The following SLC39A11 variants were observed in gnomAD, a reference collection of about 807,000 sequenced individuals.
SLC39A11 encodes zinc transporter ZIP11.
SLC39A11 carries 33 observed loss-of-function variants against 36.1 expected under a neutral mutation model. The observed-to-expected ratio is 0.91, with a 90% confidence interval of 0.69 to 1.22. SLC39A11 has a LOEUF of 1.22. SLC39A11 is among the 50% of genes most tolerant of loss of function. The pLI is 0.00. For synonymous variants in SLC39A11, 166 were observed against 170.3 expected (o/e 0.97, Z 0.20); for missense variants, 432 against 430.3 (o/e 1.00, Z -0.03).
In SLC39A11 at chr17:72,757,092, G is replaced by C. The variant is rs539443330; in HGVS notation, c.602-20373C>G. Among the ~76,000 whole-genome samples the C allele has an allele frequency of 1.7e-4, 26 of 151,894 alleles. No homozygotes were observed. In the East Asian group the frequency reaches 4.8e-3, roughly 28 times the overall value. ...GAGGCAGGAGAATCGCTTGAAACCA[G>C]AAGGCGGAGGTTGCAGTGAGCCGAG... On this transcript the variant is annotated intron_variant, in intron 6 of 9. Coordinates refer to ENST00000255559, the MANE Select transcript of SLC39A11 (RefSeq NM_139177.4).
intron 5 of SLC39A11, among the ~76,000 whole-genome samples, chr17:72,904,093 G>T (rs528576009): frequency 6.6e-6 from 1 of 152,260 alleles, no homozygotes; most frequent in East Asian, 1.9e-4. Flanking sequence ...TGCTAGGGAG[G>T]GCAGATGACA....
chr17:72,672,553 C>T (rs183447884), intron 7 of SLC39A11, among the ~76,000 whole-genome samples: 2 of 152,308 alleles, frequency 1.3e-5, no homozygotes, highest in Admixed American at 6.5e-5. Flanking sequence ...GAACTGTGGC[C>T]GTTGGGCCAA....
chr17:72,775,069 T>C (rs2076087415), intron 6 of SLC39A11, among the ~76,000 whole-genome samples: 1 of 152,072 alleles, frequency 6.6e-6, no homozygotes, highest in Non-Finnish European at 1.5e-5. Flanking sequence ...TGGCTAATAT[T>C]GTGAGCACCC....
chr17:73,024,287 T>C (rs1256486091), intron 4 of SLC39A11, among the ~76,000 whole-genome samples: 3 of 152,156 alleles, frequency 2.0e-5, no homozygotes, highest in South Asian at 2.1e-4. Context: ...ATGCAGCATA[T>C]AGCTTGAAGT....
At chr17:72,715,796 C>T (rs1308296122) in intron 7 of SLC39A11, among the ~76,000 whole-genome samples, 5 of 152,100 alleles carry the variant, frequency 3.3e-5, no homozygotes, top group Non-Finnish European at 2.9e-5. Flanking sequence ...CTCCGCCACC[C>T]GGGTTCAAGC....
chr17:72,951,258 TTG>T, intron 4 of SLC39A11, among the ~76,000 whole-genome samples: 1 of 68,726 alleles, frequency 1.5e-5, no homozygotes, highest in Non-Finnish European at 3.0e-5. Context: ...AGTGACCCTG[TTG>T]CAAAAAAAAA....
At chr17:72,699,342 T>C (rs913522531) in intron 7 of SLC39A11, among the ~76,000 whole-genome samples, 1 of 152,242 alleles carries the variant, frequency 6.6e-6, no homozygotes, top group Non-Finnish European at 1.5e-5. Flanking sequence ...TTAGGCTGCA[T>C]TCAAAGCCAT....
intron 6 of SLC39A11, among the ~76,000 whole-genome samples, chr17:72,753,769 G>C (rs1290520809): frequency 1.3e-5 from 2 of 150,570 alleles, no homozygotes; most frequent in Non-Finnish European, 2.9e-5. Context: ...TCCCTAACAG[G>C]CCTCCCTGAC....
chr17:73,066,126 C>T (rs1048680510), intron 3 of SLC39A11, among the ~76,000 whole-genome samples: 1 of 152,188 alleles, frequency 6.6e-6, no homozygotes, highest in African/African-American at 2.4e-5. Context: ...ACAGACTCTC[C>T]GGTTTCCACC....
At position 72,842,933 on chromosome 17, in the gene SLC39A11, T is replaced by A. The variant is rs60394853; in HGVS notation, c.601+6701A>T. 3.2e-3 allele frequency among the ~76,000 whole-genome samples: 492 copies of A among 152,220 alleles called. 1 individual carries two copies. Among genetic ancestry groups the A allele is most frequent in the African/African-American group, 0.011 (476 of 41,534 alleles). On this transcript the variant is annotated intron_variant, in intron 6 of 9. Transcript: ENST00000255559. ...CACAACTATACTTTTCTTTGTCCTCTAAAGGGGAGGGTTTTTTGCTTATTT... is the reference window on the plus strand; with the variant it reads ...CACAACTATACTTTTCTTTGTCCTCAAAAGGGGAGGGTTTTTTGCTTATTT...
At chr17:72,748,013 G>A (rs1279927301) in intron 6 of SLC39A11, among the ~76,000 whole-genome samples, 1 of 152,154 alleles carries the variant, frequency 6.6e-6, no homozygotes, top group African/African-American at 2.4e-5. Flanking sequence ...TAGAAAAGTT[G>A]ACTTTAAATC....
intron 5 of SLC39A11, among the ~76,000 whole-genome samples, chr17:72,935,730 G>A (rs575115191): frequency 1.1e-3 from 173 of 152,136 alleles, no homozygotes; most frequent in African/African-American, 3.5e-3. Flanking sequence ...TTACAGGCAC[G>A]CGCCACCATG....
intron 4 of SLC39A11, among the ~76,000 whole-genome samples, chr17:72,951,869 A>G (rs2085886241): frequency 6.6e-6 from 1 of 152,080 alleles, no homozygotes; most frequent in Non-Finnish European, 1.5e-5. Flanking sequence ...TTTTGCTCAA[A>G]CACTGACTCC....
At chr17:72,814,357 G>C (rs1403699470) in intron 6 of SLC39A11, among the ~76,000 whole-genome samples, 3 of 152,182 alleles carry the variant, frequency 2.0e-5, no homozygotes, top group African/African-American at 7.2e-5. Flanking sequence ...ATGGAAGGCG[G>C]AGAGACAAGA....
intron 4 of SLC39A11, among the ~76,000 whole-genome samples, chr17:72,969,497 C>A (rs2087269000): frequency 6.6e-6 from 1 of 152,136 alleles, no homozygotes. Flanking sequence ...CTTATGGACA[C>A]CAACCAGGAA....
At chr17:72,706,402 GCCTT>G (rs2072895747) in intron 7 of SLC39A11, among the ~76,000 whole-genome samples, 1 of 152,158 alleles carries the variant, frequency 6.6e-6, no homozygotes, top group African/African-American at 2.4e-5. Flanking sequence ...CTGATGGAAT[GCCTT>G]CCTTCCCTTT....
At chr17:72,827,643 C>T (rs116752436) in intron 6 of SLC39A11, among the ~76,000 whole-genome samples, 2 of 152,312 alleles carry the variant, frequency 1.3e-5, no homozygotes, top group African/African-American at 2.4e-5. Flanking sequence ...GCATGGAAAA[C>T]ATGAGTTTGA....
rs372484337 is a variant in SLC39A11, at chr17:72,741,065, C to A, written c.602-4346G>T. On this transcript the variant is annotated intron_variant, in intron 6 of 9. Transcript: ENST00000255559. ...CTGGGATTACAAGCATGAGCCACTG[C>A]GCCCCACCCAACAAGGCCTTTTAAG... Among the ~76,000 whole-genome samples, 9 of 152,288 alleles carry A rather than the reference C, an allele frequency of 5.9e-5. 1 individual carries two copies. In the South Asian group the frequency reaches 1.5e-3, roughly 25 times the overall value.
chr17:72,765,526 T>C (rs981345951), intron 6 of SLC39A11, among the ~76,000 whole-genome samples: 1 of 152,200 alleles, frequency 6.6e-6, no homozygotes, highest in African/African-American at 2.4e-5. Flanking sequence ...TGGCTTTATC[T>C]GGGCAGCAGG....
Sources: allele counts gnomAD v4.1 joint callset (sites outside exome capture counted in the v4.1 genomes callset), GRCh38; gene constraint gnomAD v4.1.1; transcripts MANE v1.5; gene names NCBI Gene and HGNC (gene_info 2026-07-23, HGNC 2026-07-21).